The following DCAF8L2 variants were observed in gnomAD, a reference collection of about 807,000 sequenced individuals.
DCAF8L2 encodes DDB1 and CUL4 associated factor 8 like 2.
For missense variants in DCAF8L2, 430 were observed against 490.7 expected (o/e 0.88, Z 1.17); for synonymous variants, 200 against 190.9 (o/e 1.05, Z -0.39).
the DCAF8L2 span, among the ~76,000 whole-genome samples, chrX:27,528,501 T>TATACAC: frequency 1.0e-5 from 1 of 100,258 alleles, no homozygotes; most frequent in African/African-American, 3.7e-5. Flanking sequence ...TATATATATA[T>TATACAC]ACACACACAC....
chrX:27,685,052 T>C (rs761647799), intron 3 of DCAF8L2, among the ~76,000 whole-genome samples: 7 of 111,878 alleles, frequency 6.3e-5, no homozygotes, highest in Admixed American at 4.8e-4. Flanking sequence ...AAGAACAGGA[T>C]GTGATATCCT....
At chrX:27,543,442 T>C in the DCAF8L2 span, among the ~76,000 whole-genome samples, 1 of 111,889 alleles carries the variant, frequency 8.9e-6, no homozygotes, top group Non-Finnish European at 1.9e-5. Context: ...TCATTTTACT[T>C]AGGACTGCTA....
chrX:27,528,012 TTTAA>T, the DCAF8L2 span, among the ~76,000 whole-genome samples: 9 of 101,680 alleles, frequency 8.9e-5, no homozygotes, highest in African/African-American at 3.9e-5. Flanking sequence ...AAATTTTTAA[TTTAA>T]TTAATTATTA....
At position 27,711,398 on chromosome X, in the gene DCAF8L2, C is replaced by CGTGT. The variant is rs10574517; in HGVS notation, c.-142-4667_-142-4664dup. On this transcript the variant is annotated intron_variant, in intron 3 of 4. Transcript: ENST00000451261. ...CTATATGTGTGTGTGTGTGTGTGTA[C>CGTGT]GTGTGTGTGTGTGTGTGTGTGTGTG... Among the ~76,000 whole-genome samples, 861 of 94,946 alleles carry CGTGT rather than the reference C, an allele frequency of 9.1e-3. 5 individuals are homozygous for CGTGT. Among genetic ancestry groups the CGTGT allele is most frequent in the African/African-American group, 0.03 (790 of 26,349 alleles). The allele number at this position is 94,946 out of a possible 115,157, so 82.4% of individuals were successfully genotyped here.
At chrX:27,578,216 T>C in the DCAF8L2 span, among the ~76,000 whole-genome samples, 1 of 111,424 alleles carries the variant, frequency 9.0e-6, no homozygotes, top group Non-Finnish European at 1.9e-5. Context: ...ATCAGGTACA[T>C]AGGCTAATTG....
chrX:27,625,678 C>T (rs1051477957), intron 1 of DCAF8L2, among the ~76,000 whole-genome samples: 3 of 111,845 alleles, frequency 2.7e-5, no homozygotes, highest in African/African-American at 9.8e-5. Flanking sequence ...ACTATGCAGC[C>T]ATAAAAAGAA....
chrX:27,623,766 G>A (rs969322082), intron 1 of DCAF8L2, among the ~76,000 whole-genome samples: 1 of 111,261 alleles, frequency 9.0e-6, no homozygotes, highest in African/African-American at 3.3e-5. Flanking sequence ...CAAGAAAATA[G>A]CAATGCAGAT....
chrX:27,599,053 G>C lies in DCAF8L2; in HGVS notation c.-342+8613G>C, dbSNP rs760699946. 2.5e-4 allele frequency among the ~76,000 whole-genome samples: 27 copies of C among 108,678 alleles called. No homozygotes were observed. In the Middle Eastern group the frequency reaches 0.024, roughly 96 times the overall value. The allele number at this position is 108,678 out of a possible 115,157, so 94.4% of individuals were successfully genotyped here. A position where few individuals can be genotyped will look rare whatever the true frequency, so the allele number is the denominator to read the frequency against. ...AGAATTGAGGTTAAGATCTCAAAGA[G>C]ATATTTGCATTCCCATGTACATCAC... On this transcript the variant is annotated intron_variant, in intron 1 of 4. Transcript: ENST00000451261.
intron 3 of DCAF8L2, among the ~76,000 whole-genome samples, chrX:27,696,634 CG>C (rs766319313): frequency 1.8e-5 from 2 of 112,079 alleles, no homozygotes; most frequent in African/African-American, 6.5e-5. Context: ...GGCATATAAA[CG>C]TGAAGAAGTT....
At chrX:27,548,676 A>G in the DCAF8L2 span, among the ~76,000 whole-genome samples, 1 of 112,031 alleles carries the variant, frequency 8.9e-6, no homozygotes, top group Non-Finnish European at 1.9e-5. Flanking sequence ...AGGTCAACAT[A>G]CAGATATAAG....
chrX:27,664,475 C>T (rs769155267), intron 2 of DCAF8L2, among the ~76,000 whole-genome samples: 6 of 112,300 alleles, frequency 5.3e-5, no homozygotes, highest in Non-Finnish European at 9.4e-5. Context: ...ATCTCCATAA[C>T]ATAAAAGGTG....
At chrX:27,720,824 T>C (rs1454551965) in intron 4 of DCAF8L2, among the ~76,000 whole-genome samples, 7 of 112,205 alleles carry the variant, frequency 6.2e-5, no homozygotes, top group Admixed American at 9.5e-5. Flanking sequence ...GTGTGTGTTC[T>C]TTAAGTTAAT....
At chrX:27,735,479 C>G (rs1921469958) in intron 4 of DCAF8L2, among the ~76,000 whole-genome samples, 2 of 112,272 alleles carry the variant, frequency 1.8e-5, no homozygotes, top group Non-Finnish European at 3.8e-5. Context: ...CATAATGCTT[C>G]TTTATTTTCA....
the DCAF8L2 span, among the ~76,000 whole-genome samples, chrX:27,513,874 G>A: frequency 9.1e-6 from 1 of 110,342 alleles, no homozygotes; most frequent in South Asian, 3.7e-4. Flanking sequence ...ATTATTATCT[G>A]AAACACAAAA....
chrX:27,566,583 G>A, the DCAF8L2 span, among the ~76,000 whole-genome samples: 3 of 110,516 alleles, frequency 2.7e-5, no homozygotes, highest in Admixed American at 1.9e-4. Context: ...ACATGGTAAT[G>A]TCTCCTTTTG....
Position 27,623,153 on chromosome X carries a change from A to G in DCAF8L2, c.-341-8726A>G, listed in dbSNP as rs756578250. The stretch of plus-strand genomic sequence containing the variant: ...CATAATACAGTCTACATTTCACACC[A>G]CTTACTTTTGGGCTACCAGAAAGGG... On this transcript the variant is annotated intron_variant, in intron 1 of 4. Transcript: ENST00000451261. Among the ~76,000 whole-genome samples the G allele has an allele frequency of 4.5e-5, 5 of 111,567 alleles. No homozygotes were observed. In the East Asian group the frequency reaches 1.4e-3, roughly 32 times the overall value.
chrX:27,507,777 A>G, the DCAF8L2 span, among the ~76,000 whole-genome samples: 1 of 111,590 alleles, frequency 9.0e-6, no homozygotes, highest in Non-Finnish European at 1.9e-5. Flanking sequence ...TAGCAATTAT[A>G]TTTAATAAAG....
the DCAF8L2 span, among the ~76,000 whole-genome samples, chrX:27,478,781 T>G: frequency 8.9e-6 from 1 of 112,131 alleles, no homozygotes; most frequent in Non-Finnish European, 1.9e-5. Flanking sequence ...TTTAAAAAAT[T>G]AGGAATAAAA....
intron 1 of DCAF8L2, among the ~76,000 whole-genome samples, chrX:27,609,040 G>A (rs1384147839): frequency 1.8e-5 from 2 of 111,220 alleles, no homozygotes; most frequent in African/African-American, 3.3e-5. Context: ...TTGTTTATCC[G>A]AAGAACAAGT....
Sources: allele counts gnomAD v4.1 joint callset (sites outside exome capture counted in the v4.1 genomes callset), GRCh38; gene constraint gnomAD v4.1.1; transcripts MANE v1.5; gene names NCBI Gene and HGNC (gene_info 2026-07-23, HGNC 2026-07-21).